Variants in NRG1 observed in about 807,000 individuals in gnomAD.
NRG1 encodes neuregulin 1, also known as pro-neuregulin-1, membrane-bound isoform.
In NRG1, 18 loss-of-function variants were observed where a neutral mutation model predicts 63.8. The observed-to-expected ratio is 0.28, with a 90% CI of 0.19 to 0.42. NRG1 has a LOEUF of 0.42. NRG1 is among the 10% of genes least tolerant of loss of function. NRG1 has a pLI of 1.00. For synonymous variants in NRG1, 302 were observed against 301.3 expected, an observed-to-expected ratio of 1.00 and a Z score of -0.02; for missense variants, 762 against 814.7, an observed-to-expected ratio of 0.94 and a Z score of 0.79.
At chr8:31,705,916 T>C (rs1036336562) in intron 1 of NRG1, among the ~76,000 whole-genome samples, 4 of 152,322 alleles carry the variant, frequency 2.6e-5, no homozygotes, top group Middle Eastern at 3.4e-3. Flanking sequence ...ACAATGGCCA[T>C]GTGATGTTCA....
At chr8:31,802,165 T>C (rs1821852577) in intron 1 of NRG1, among the ~76,000 whole-genome samples, 3 of 152,264 alleles carry the variant, frequency 2.0e-5, no homozygotes, top group Admixed American at 1.3e-4. Flanking sequence ...ATACTCTTGC[T>C]TTTAGTCGTC....
At chr8:32,035,276 C>T (rs971665463) in intron 1 of NRG1, among the ~76,000 whole-genome samples, 3 of 151,720 alleles carry the variant, frequency 2.0e-5, no homozygotes, top group African/African-American at 7.3e-5. Context: ...TTCTTGAGTT[C>T]TGATTTGATT....
chr8:31,792,940 G>T (rs1298671392), intron 1 of NRG1, among the ~76,000 whole-genome samples: 2 of 152,226 alleles, frequency 1.3e-5, no homozygotes, highest in Non-Finnish European at 2.9e-5. Flanking sequence ...CCCTACTCAT[G>T]TTTCTAATTC....
At chr8:32,054,962 A>T (rs1317876589) in intron 1 of NRG1, among the ~76,000 whole-genome samples, 6 of 126,418 alleles carry the variant, frequency 4.7e-5, no homozygotes, top group African/African-American at 1.8e-4. Flanking sequence ...ATCTTGGCTC[A>T]CTGCAACCTC....
intron 1 of NRG1, among the ~76,000 whole-genome samples, chr8:32,527,656 T>TA (rs1831004451): frequency 2.0e-5 from 3 of 152,114 alleles, no homozygotes. Flanking sequence ...AAATAAAAGC[T>TA]AAAAAATGAA....
At chr8:32,074,235 T>C (rs1312612485) in intron 1 of NRG1, among the ~76,000 whole-genome samples, 3 of 152,154 alleles carry the variant, frequency 2.0e-5, no homozygotes, top group African/African-American at 2.4e-5. Flanking sequence ...GCATCTACTT[T>C]TGAGATTTTT....
At chr8:31,814,898 T>C (rs1231679693) in intron 1 of NRG1, among the ~76,000 whole-genome samples, 2 of 152,022 alleles carry the variant, frequency 1.3e-5, no homozygotes, top group Admixed American at 1.3e-4. Flanking sequence ...AAGCCTCTTC[T>C]GAATTATTCC....
At chr8:32,354,384 C>A (rs113685607) in intron 1 of NRG1, among the ~76,000 whole-genome samples, 2,974 of 151,764 alleles carry the variant, frequency 0.02, 67 homozygotes, top group African/African-American at 0.054. Flanking sequence ...ACAACAACAA[C>A]AAAAAGTGTA....
At chr8:32,560,927 G>C (rs535044673) in intron 1 of NRG1, among the ~76,000 whole-genome samples, 7 of 152,114 alleles carry the variant, frequency 4.6e-5, no homozygotes, top group Non-Finnish European at 2.9e-5. Flanking sequence ...CGCTGTTCCT[G>C]GTAGGTAATG....
chr8:32,218,308 C>T (rs1383003760), intron 1 of NRG1, among the ~76,000 whole-genome samples: 1 of 152,202 alleles, frequency 6.6e-6, no homozygotes, highest in Non-Finnish European at 1.5e-5. Flanking sequence ...AGGCAAACAT[C>T]AAGCTGTAAC....
intron 1 of NRG1, among the ~76,000 whole-genome samples, chr8:32,119,898 A>G (rs1833213499): frequency 6.6e-6 from 1 of 152,250 alleles, no homozygotes; most frequent in East Asian, 1.9e-4. Flanking sequence ...TAGTTCTAGC[A>G]GTTAGCTTCC....
intron 1 of NRG1, among the ~76,000 whole-genome samples, chr8:32,188,402 G>A (rs1212619537): frequency 6.6e-6 from 1 of 152,108 alleles, no homozygotes; most frequent in Non-Finnish European, 1.5e-5. Flanking sequence ...TACTTTGGCT[G>A]GTCTAGTAGG....
rs1024563227 is a variant in NRG1 at position 32,549,272 on chromosome 8, G to T, written c.100+446G>T. ...GAATGGGCCGCCTGGAGGGAGAGCC[G>T]GTCCCCTCGGTGTGCCTGGCAGCGC... On this transcript the variant is annotated intron_variant, in intron 1 of 11. Transcript: ENST00000356819. Among the ~76,000 whole-genome samples the T allele has an allele frequency of 3.5e-4, 53 of 152,256 alleles. 1 individual carries two copies. The highest frequency in any genetic ancestry group is 7.2e-4 in the Admixed American group (11 of 15,292).
At chr8:32,362,672 A>G (rs1446476749) in intron 1 of NRG1, among the ~76,000 whole-genome samples, 1 of 152,232 alleles carries the variant, frequency 6.6e-6, no homozygotes, top group African/African-American at 2.4e-5. Context: ...TCTCAGGAAG[A>G]GTAGAACTTT....
intron 5 of NRG1, among the ~76,000 whole-genome samples, chr8:32,691,395 C>A (rs987212713): frequency 6.6e-6 from 1 of 152,148 alleles, no homozygotes; most frequent in Admixed American, 6.5e-5. Flanking sequence ...GATGCCAATT[C>A]TCTTCCTGAC....
intron 1 of NRG1, among the ~76,000 whole-genome samples, chr8:31,747,800 C>T (rs373038792): frequency 2.6e-5 from 4 of 151,974 alleles, no homozygotes; most frequent in African/African-American, 9.6e-5. Context: ...GTTTCAAATC[C>T]ACATGTCATC....
intron 1 of NRG1, among the ~76,000 whole-genome samples, chr8:32,035,311 G>A (rs1026445446): frequency 6.6e-6 from 1 of 152,104 alleles, no homozygotes; most frequent in African/African-American, 2.4e-5. Context: ...GAGACTGTTT[G>A]TTGTTATTTC....
chr8:31,722,787 G>T (rs2131314147), intron 1 of NRG1, among the ~76,000 whole-genome samples: 1 of 152,264 alleles, frequency 6.6e-6, no homozygotes, highest in East Asian at 1.9e-4. Flanking sequence ...AGGAGCAACA[G>T]TCTCAAATGT....
intron 1 of NRG1, among the ~76,000 whole-genome samples, chr8:32,311,250 A>T (rs1286978581): frequency 2.6e-5 from 4 of 152,196 alleles, no homozygotes; most frequent in African/African-American, 9.6e-5. Flanking sequence ...GTTGTACAGG[A>T]GTATGCATTC....
Sources: allele counts gnomAD v4.1 joint callset (sites outside exome capture counted in the v4.1 genomes callset), GRCh38; gene constraint gnomAD v4.1.1; transcripts MANE v1.5; gene names NCBI Gene and HGNC (gene_info 2026-07-23, HGNC 2026-07-21).